Variants in C2orf49 observed in about 807,000 individuals in gnomAD.
C2orf49 encodes tRNA splicing ligase complex subunit 2.
A neutral mutation model predicts 20.6 loss-of-function variants in C2orf49; 11 were observed. That is an observed-to-expected ratio of 0.53 (90% CI 0.34 to 0.88). The LOEUF is 0.88. Ranked by LOEUF, C2orf49 falls within the 40% of genes least tolerant of loss-of-function variation. The pLI, the probability that C2orf49 is intolerant of heterozygous loss-of-function variation, is 0.02. For synonymous variants in C2orf49, 134 were observed against 108.5 expected (o/e 1.24, Z -1.46); for missense variants, 289 against 274.2 (o/e 1.05, Z -0.38).
At chr2:105,357,936 T>C in the C2orf49 span, 12 of 152,264 alleles carry the variant, frequency 7.9e-5, no homozygotes, top group East Asian at 1.5e-3. Context: ...GATGGATCTG[T>C]GTATGCCTTA....
Position 105,343,193 on chromosome 2 carries a change from A to G in C2orf49, c.612A>G (p.Arg204=), listed in dbSNP as rs1400309148. 1 of 1,604,816 alleles carries G rather than the reference A, an allele frequency of 6.2e-7. No homozygotes were observed. Among genetic ancestry groups the G allele is most frequent in the Non-Finnish European group, 8.5e-7 (1 of 1,176,416 alleles). The change falls in exon 3 of 4, where the codon AGA becomes AGG. Residue 204 remains arginine (R), a synonymous_variant. Coordinates refer to ENST00000258457, the MANE Select transcript of C2orf49 (RefSeq NM_024093.3). The stretch of plus-strand genomic sequence containing the variant: ...GAACTACTCCAGTGAAGTTAAAGAG[A>G]GCTGCTCCTAAAGAAGAGGCAGAGG... ...PVGTTPVKLK[R]AAPKEEAEAM...
chr2:105,370,482 T>G, the C2orf49 span, among the ~76,000 whole-genome samples: 1 of 152,094 alleles, frequency 6.6e-6, no homozygotes, highest in Non-Finnish European at 1.5e-5. Flanking sequence ...AAGCAACGTC[T>G]GCTAATAGGG....
the C2orf49 span, among the ~76,000 whole-genome samples, chr2:105,384,660 A>C: frequency 6.6e-6 from 1 of 152,188 alleles, no homozygotes; most frequent in Non-Finnish European, 1.5e-5. Flanking sequence ...GATATGCACC[A>C]CCACGCCCAG....
At chr2:105,361,496 AG>A in the C2orf49 span, 1 of 1,481,032 alleles carries the variant, frequency 6.8e-7, no homozygotes, top group Non-Finnish European at 9.3e-7. Flanking sequence ...CTGGGACTGA[AG>A]AAGGAATTCT....
the C2orf49 span, chr2:105,359,380 C>G: frequency 6.6e-6 from 1 of 152,168 alleles, no homozygotes; most frequent in East Asian, 1.9e-4. Context: ...CTCAAGTCAA[C>G]TATAAAACCA....
chr2:105,373,553 C>T, the C2orf49 span: 1 of 1,614,170 alleles, frequency 6.2e-7, no homozygotes, highest in Non-Finnish European at 8.5e-7. Context: ...AGGAGTGCCT[C>T]CTGACCTGGC....
chr2:105,339,468 A>G (rs368739873), intron 1 of C2orf49, 115 bp from the exon 2 acceptor site: 5 of 972,264 alleles, frequency 5.1e-6, no homozygotes, highest in South Asian at 3.2e-5. Context: ...TATTGTGAAA[A>G]TGGCTTTTTA....
chr2:105,363,269 AC>A, the C2orf49 span: 1 of 1,612,520 alleles, frequency 6.2e-7, no homozygotes, highest in Non-Finnish European at 8.5e-7. Context: ...GGAAATGGGA[AC>A]CCCGGGACAC....
At chr2:105,365,927 A>C in the C2orf49 span, among the ~76,000 whole-genome samples, 3 of 152,096 alleles carry the variant, frequency 2.0e-5, no homozygotes, top group African/African-American at 7.2e-5. Flanking sequence ...AAATGGGGCC[A>C]GGCATGGTGG....
chr2:105,367,737 T>C, the C2orf49 span: 1 of 1,613,418 alleles, frequency 6.2e-7, no homozygotes, highest in Non-Finnish European at 8.5e-7. Context: ...ATCTTGCGGG[T>C]ACCTGTCATC....
downstream of C2orf49, among the ~76,000 whole-genome samples, chr2:105,352,436 T>TG (rs1558671066): frequency 4.1e-5 from 5 of 123,434 alleles, no homozygotes; most frequent in East Asian, 8.3e-4. Context: ...TGGGTTTTTT[T>TG]TTTTTTTTTT....
At chr2:105,356,094 T>A in the C2orf49 span, among the ~76,000 whole-genome samples, 8 of 151,984 alleles carry the variant, frequency 5.3e-5, no homozygotes, top group East Asian at 1.4e-3. Context: ...AAAAAAATTT[T>A]AAAAATAGAC....
intron 2 of C2orf49, among the ~76,000 whole-genome samples, chr2:105,341,763 TACTG>T (rs1317212531): frequency 3.3e-5 from 5 of 152,246 alleles, no homozygotes; most frequent in African/African-American, 1.2e-4. Context: ...GCTCCTAAGA[TACTG>T]ACTGACGTTG....
At chr2:105,355,538 T>TA in the C2orf49 span, among the ~76,000 whole-genome samples, 71 of 148,998 alleles carry the variant, frequency 4.8e-4, 2 homozygotes, top group South Asian at 0.014. Context: ...CATCAGGCAG[T>TA]AGAGACTGAC....
At chr2:105,356,012 A>G in the C2orf49 span, among the ~76,000 whole-genome samples, 1 of 152,210 alleles carries the variant, frequency 6.6e-6, no homozygotes, top group South Asian at 2.1e-4. Context: ...TGGAATGCCA[A>G]GATGGGGGGA....
chr2:105,351,788 A>T (rs2104461143), downstream of C2orf49, among the ~76,000 whole-genome samples: 1 of 152,298 alleles, frequency 6.6e-6, no homozygotes, highest in Non-Finnish European at 1.5e-5. Flanking sequence ...CTGGGTACTA[A>T]GTATGCTGAT....
At chr2:105,363,459 C>T in the C2orf49 span, 4 of 1,608,996 alleles carry the variant, frequency 2.5e-6, no homozygotes, top group Non-Finnish European at 3.4e-6. Flanking sequence ...GTGACCCCTC[C>T]CGTGGTGATG....
intron 1 of C2orf49, among the ~76,000 whole-genome samples, chr2:105,338,206 C>G (rs1334990066): frequency 1.3e-5 from 2 of 152,140 alleles, no homozygotes; most frequent in African/African-American, 4.8e-5. Flanking sequence ...AGTGCGTGCT[C>G]TTTTCCAGCT....
the C2orf49 span, chr2:105,374,444 A>G: frequency 6.5e-6 from 1 of 153,226 alleles, no homozygotes; most frequent in Non-Finnish European, 1.5e-5. Context: ...GTCTGTGTAG[A>G]GATTCCATTG....
Sources: allele counts gnomAD v4.1 joint callset (sites outside exome capture counted in the v4.1 genomes callset), GRCh38; gene constraint gnomAD v4.1.1; transcripts MANE v1.5; gene names NCBI Gene and HGNC (gene_info 2026-07-23, HGNC 2026-07-21).